KCNH5: variants seen among roughly 807,000 people sequenced by gnomAD.
KCNH5 encodes the protein potassium voltage-gated channel subfamily H member 5.
Under a neutral mutation model 96.1 loss-of-function variants are expected in KCNH5, and 46 were observed. That is an observed-to-expected ratio of 0.48 (90% CI 0.38 to 0.61). The LOEUF is 0.61. Ranked by LOEUF, KCNH5 falls within the 20% of genes least tolerant of loss-of-function variation. KCNH5 has a pLI of 0.00. For synonymous variants in KCNH5, 439 were observed against 449.8 expected (o/e 0.98, Z 0.30); for missense variants, 907 against 1,225.8 (o/e 0.74, Z 3.88).
At chr14:62,850,017 A>G (rs1207709921) in intron 7 of KCNH5, among the ~76,000 whole-genome samples, 165 bp from the exon 8 acceptor site, 1 of 152,210 alleles carries the variant, frequency 6.6e-6, no homozygotes, top group Admixed American at 6.5e-5. Context: ...ATTCACTCAG[A>G]AAACATTACC....
rs150913789 is a variant in KCNH5, at chr14:62,815,729, A to G, written c.1570-13148T>C. Among the ~76,000 whole-genome samples the G allele has an allele frequency of 7.2e-5, 11 of 152,202 alleles. No individual in the cohort carries two copies. In the East Asian group the frequency reaches 2.1e-3, roughly 29 times the overall value. On this transcript the variant is annotated intron_variant, in intron 8 of 10. Transcript: ENST00000322893. ...AAGAGAAAAAATAAATACATGAAAC[A>G]GAAATTAGAGATGCCAAATAAATTA...
chr14:62,837,921 G>C (rs1887496927), intron 8 of KCNH5, among the ~76,000 whole-genome samples: 1 of 152,076 alleles, frequency 6.6e-6, no homozygotes, highest in Admixed American at 6.6e-5. Flanking sequence ...GAAACAGGTG[G>C]ATGTAACACT....
chr14:62,927,315 G>C (rs1461328753), intron 7 of KCNH5, among the ~76,000 whole-genome samples: 1 of 152,118 alleles, frequency 6.6e-6, no homozygotes, highest in Non-Finnish European at 1.5e-5. Flanking sequence ...AAGCACTGTG[G>C]AACACACTGT....
intron 9 of KCNH5, among the ~76,000 whole-genome samples, chr14:62,792,983 TG>T (rs1886464891): frequency 6.6e-6 from 1 of 151,766 alleles, no homozygotes; most frequent in Admixed American, 6.6e-5. Flanking sequence ...AAGAAAATTC[TG>T]TCATTTGCAA....
intron 1 of KCNH5, among the ~76,000 whole-genome samples, chr14:63,040,070 G>A (rs1266565093): frequency 6.6e-6 from 1 of 152,070 alleles, no homozygotes; most frequent in Non-Finnish European, 1.5e-5. Flanking sequence ...GTTCCTCCAA[G>A]CTAAGAAACT....
intron 10 of KCNH5, among the ~76,000 whole-genome samples, chr14:62,769,794 A>G (rs551930542): frequency 2.2e-4 from 33 of 152,340 alleles, no homozygotes; most frequent in Non-Finnish European, 3.7e-4. Flanking sequence ...TCATTTAATT[A>G]TATAGCAGAC....
At chr14:62,728,129 C>T (rs1342297528) in intron 10 of KCNH5, among the ~76,000 whole-genome samples, 1 of 151,526 alleles carries the variant, frequency 6.6e-6, no homozygotes, top group Non-Finnish European at 1.5e-5. Flanking sequence ...TCCTGTTAAT[C>T]CCACACCTTA....
At chr14:62,847,712 T>C (rs965862202) in intron 8 of KCNH5, among the ~76,000 whole-genome samples, 1 of 152,242 alleles carries the variant, frequency 6.6e-6, no homozygotes, top group Non-Finnish European at 1.5e-5. Flanking sequence ...ATTTCACTTT[T>C]AATATTAGTC....
chr14:62,900,540 C>T (rs1888903943), intron 7 of KCNH5, among the ~76,000 whole-genome samples: 1 of 151,984 alleles, frequency 6.6e-6, no homozygotes, highest in South Asian at 2.1e-4. Flanking sequence ...AATGCTGTAT[C>T]TTATAGAAGA....
chr14:62,985,734 G>C (rs1475515031), intron 5 of KCNH5, among the ~76,000 whole-genome samples: 1 of 152,104 alleles, frequency 6.6e-6, no homozygotes, highest in Non-Finnish European at 1.5e-5. Flanking sequence ...AGCCATAACT[G>C]TGAAGATGAC....
chr14:62,807,049 C>G lies in KCNH5; in HGVS notation c.1570-4468G>C, dbSNP rs556276719. On this transcript the variant is annotated intron_variant, in intron 8 of 10. Transcript: ENST00000322893. ...TTCAGTGTCACTGCAATGGGAAGGT[C>G]TTTCTCTGGCCTCCCTGATCATTTT... 2.7e-3 allele frequency among the ~76,000 whole-genome samples: 411 copies of G among 152,200 alleles called. 2 individuals are homozygous for G. The highest frequency in any genetic ancestry group is 9.7e-3 in the African/African-American group (403 of 41,564).
At chr14:62,872,235 A>G (rs1004435882) in intron 7 of KCNH5, among the ~76,000 whole-genome samples, 2 of 152,188 alleles carry the variant, frequency 1.3e-5, no homozygotes, top group Non-Finnish European at 2.9e-5. Context: ...TCCATGCCCA[A>G]TGCTGGTGGT....
chr14:62,836,347 G>A (rs1483376291), intron 8 of KCNH5, among the ~76,000 whole-genome samples: 1 of 152,036 alleles, frequency 6.6e-6, no homozygotes, highest in Non-Finnish European at 1.5e-5. Context: ...GGCAACATAA[G>A]CTCACTAAAA....
intron 10 of KCNH5, among the ~76,000 whole-genome samples, chr14:62,771,542 G>A (rs1439804718): frequency 7.9e-5 from 12 of 151,594 alleles, no homozygotes; most frequent in South Asian, 2.1e-4. Context: ...GGAGAATGGC[G>A]TGAACCCGGG....
intron 10 of KCNH5, among the ~76,000 whole-genome samples, chr14:62,748,047 AG>A (rs1885415977): frequency 6.6e-6 from 1 of 152,214 alleles, no homozygotes; most frequent in African/African-American, 2.4e-5. Context: ...GTTACAGGAA[AG>A]GGGTCCCGAT....
chr14:62,752,188 G>C (rs993710441), intron 10 of KCNH5, among the ~76,000 whole-genome samples: 3 of 152,000 alleles, frequency 2.0e-5, no homozygotes, highest in African/African-American at 7.3e-5. Flanking sequence ...TATGGTTTGG[G>C]TTGTGAGCCA....
intron 7 of KCNH5, among the ~76,000 whole-genome samples, chr14:62,872,893 G>T (rs192961969): frequency 6.6e-6 from 1 of 152,298 alleles, no homozygotes; most frequent in African/African-American, 2.4e-5. Context: ...GCTCCCGCCT[G>T]TAATCCCAGC....
chr14:63,027,033 G>A (rs559983829), intron 1 of KCNH5, among the ~76,000 whole-genome samples: 1 of 152,100 alleles, frequency 6.6e-6, no homozygotes, highest in South Asian at 2.1e-4. Flanking sequence ...AAAGAAAGGA[G>A]CATTGTCATT....
intron 10 of KCNH5, among the ~76,000 whole-genome samples, chr14:62,734,696 T>G (rs1163312495): frequency 6.6e-6 from 1 of 152,142 alleles, no homozygotes; most frequent in Non-Finnish European, 1.5e-5. Context: ...AATTTTATAT[T>G]GAAATTACCT....
Sources: allele counts gnomAD v4.1 joint callset (sites outside exome capture counted in the v4.1 genomes callset), GRCh38; gene constraint gnomAD v4.1.1; transcripts MANE v1.5; gene names NCBI Gene and HGNC (gene_info 2026-07-23, HGNC 2026-07-21).